Variants in LMO7 observed in about 807,000 individuals in gnomAD.
The protein encoded by LMO7 is LIM domain 7, also known as LIM domain only protein 7.
LMO7 carries 120 observed loss-of-function variants against 206.5 expected under a neutral mutation model. The observed-to-expected ratio is 0.58, with a 90% CI of 0.50 to 0.68. LMO7 has a LOEUF of 0.68. Ranked by LOEUF, LMO7 falls within the 30% of genes least tolerant of loss-of-function variation. The probability of loss-of-function intolerance (pLI) is 0.00; values close to 1 mark genes in which losing one functional copy is unlikely to be tolerated. For synonymous variants in LMO7, 706 were observed against 681.5 expected, an observed-to-expected ratio of 1.04 and a Z score of -0.56; for missense variants, 1,959 against 1,957.9, an observed-to-expected ratio of 1.00 and a Z score of -0.01.
intron 1 of LMO7, chr13:75,688,569 GTT>G (rs1404744433): frequency 1.3e-5 from 2 of 152,476 alleles, no homozygotes; most frequent in East Asian, 3.9e-4. Flanking sequence ...ATCCCATGTT[GTT>G]TTTGGTTTCC....
At chr13:75,708,629 T>A (rs2042833757) in intron 1 of LMO7, among the ~76,000 whole-genome samples, 1 of 152,194 alleles carries the variant, frequency 6.6e-6, no homozygotes, top group Admixed American at 6.5e-5. Context: ...ATAGTTGAGA[T>A]CTGCACTCCC....
chr13:75,857,256 G>C (rs1379194493), intron 30 of LMO7: 3 of 152,202 alleles, frequency 2.0e-5, no homozygotes, highest in African/African-American at 7.2e-5. Flanking sequence ...TGTGTGTTGT[G>C]TATAGCTACA....
At chr13:75,735,606 C>T (rs553491124) in intron 3 of LMO7, among the ~76,000 whole-genome samples, 16 of 151,026 alleles carry the variant, frequency 1.1e-4, no homozygotes, top group South Asian at 4.2e-4. Flanking sequence ...GGACTACAGG[C>T]GCGCGGCACC....
At chr13:75,678,253 C>T (rs1291102272) in intron 1 of LMO7, among the ~76,000 whole-genome samples, 1 of 152,158 alleles carries the variant, frequency 6.6e-6, no homozygotes, top group African/African-American at 2.4e-5. Context: ...GTTTACAGTC[C>T]CACCACCAGT....
intron 2 of LMO7, among the ~76,000 whole-genome samples, chr13:75,724,774 C>G (rs1192242722): frequency 6.6e-6 from 1 of 152,072 alleles, no homozygotes; most frequent in Non-Finnish European, 1.5e-5. Flanking sequence ...TCAGTATTTG[C>G]CAAGACTATA....
chr13:75,841,049 G>T, intron 22 of LMO7, 60 bp from the exon 23 acceptor site: 1 of 1,039,230 alleles, frequency 9.6e-7, no homozygotes, highest in East Asian at 2.5e-5. Flanking sequence ...TGTTAATAAA[G>T]AAGATTCCTA....
chr13:75,689,846 C>T (rs2041312687), intron 1 of LMO7, among the ~76,000 whole-genome samples: 1 of 152,304 alleles, frequency 6.6e-6, no homozygotes, highest in East Asian at 1.9e-4. Flanking sequence ...CACGGACTGG[C>T]TTCCTTGCTT....
intron 1 of LMO7, among the ~76,000 whole-genome samples, chr13:75,639,052 CT>C (rs2036252632): frequency 6.6e-6 from 1 of 152,032 alleles, no homozygotes; most frequent in South Asian, 2.1e-4. Context: ...ATATTCGCAA[CT>C]GCAGCTTTGA....
chr13:75,713,621 T>C (rs2043296245), intron 2 of LMO7, among the ~76,000 whole-genome samples: 2 of 152,198 alleles, frequency 1.3e-5, no homozygotes, highest in Admixed American at 1.3e-4. Context: ...TGGAAGTTAA[T>C]ACACAAAATC....
intron 20 of LMO7, 23 bp from the exon 21 acceptor site, chr13:75,840,062 C>T (rs1426533916): frequency 1.9e-6 from 3 of 1,611,814 alleles, no homozygotes; most frequent in Admixed American, 3.3e-5. Context: ...ATTTTTCTTC[C>T]TTGCCCATGT....
intron 3 of LMO7, among the ~76,000 whole-genome samples, chr13:75,755,374 A>T (rs2047602615): frequency 6.6e-6 from 1 of 151,828 alleles, no homozygotes; most frequent in Admixed American, 6.6e-5. Flanking sequence ...CCATAATGGT[A>T]TTCTCTTCCC....
chr13:75,776,166 T>TATATATATATATATATATATATATCGG (rs2050402639), intron 4 of LMO7, among the ~76,000 whole-genome samples: 2 of 33,406 alleles, frequency 6.0e-5, no homozygotes, highest in African/African-American at 2.8e-4. Flanking sequence ...ATATCGGATA[T>TATATATATATATATATATATATATCGG]ATATATATAT....
At chr13:75,631,368 C>T (rs1240167259), upstream of LMO7, 2 of 152,264 alleles carry the variant, frequency 1.3e-5, no homozygotes, top group East Asian at 3.9e-4. Flanking sequence ...TATGGAGGAA[C>T]CATAATTTAC....
intron 1 of LMO7, among the ~76,000 whole-genome samples, chr13:75,671,061 G>A (rs923292349): frequency 1.2e-4 from 17 of 147,122 alleles, no homozygotes; most frequent in Admixed American, 4.9e-4. Flanking sequence ...TAGGATCATC[G>A]ATATCACTGT....
chr13:75,785,760 C>T (rs1037577921), intron 4 of LMO7, among the ~76,000 whole-genome samples: 2 of 152,222 alleles, frequency 1.3e-5, no homozygotes, highest in East Asian at 3.9e-4. Flanking sequence ...GTACAGTTTG[C>T]AAAACACTTG....
intron 4 of LMO7, among the ~76,000 whole-genome samples, chr13:75,793,063 A>C (rs191554918): frequency 1.8e-4 from 28 of 152,208 alleles, no homozygotes; most frequent in African/African-American, 6.7e-4. Context: ...GAGTGTGCTT[A>C]TGATCAAAGT....
In LMO7 at chr13:75,686,401, C is replaced by A. The variant is rs977492024; in HGVS notation, c.70-26781C>A. The stretch of plus-strand genomic sequence containing the variant: ...CGAGAACAGCATGGGAAAGACTTCC[C>A]CACATGATTCAATTATCTCCCACCT... On this transcript the variant is annotated intron_variant, in intron 1 of 30. Transcript: ENST00000377534. Among the ~76,000 whole-genome samples the A allele has an allele frequency of 2.0e-5, 3 of 152,150 alleles. No homozygotes were observed. The Middle Eastern group carries it at 0.01, about 518-fold the overall frequency.
intron 1 of LMO7, among the ~76,000 whole-genome samples, chr13:75,663,992 T>C (rs937900867): frequency 1.3e-5 from 2 of 152,198 alleles, no homozygotes; most frequent in African/African-American, 2.4e-5. Flanking sequence ...AACAATCCAA[T>C]TATACTCTTT....
intron 8 of LMO7, chr13:75,805,147 C>G: frequency 8.9e-7 from 1 of 1,121,202 alleles, no homozygotes; most frequent in Non-Finnish European, 1.1e-6. Flanking sequence ...TATGGACTGA[C>G]GAGGTCAGAA....
Sources: allele counts gnomAD v4.1 joint callset (sites outside exome capture counted in the v4.1 genomes callset), GRCh38; gene constraint gnomAD v4.1.1; transcripts MANE v1.5; gene names NCBI Gene and HGNC (gene_info 2026-07-23, HGNC 2026-07-21).